Variants in HDAC4 observed in about 807,000 individuals in gnomAD.
The protein encoded by HDAC4 is histone deacetylase A.
Under a neutral mutation model 135.1 loss-of-function variants are expected in HDAC4, and 16 were observed. The observed-to-expected ratio is 0.12, with a 90% CI of 0.08 to 0.18. The LOEUF is 0.18. HDAC4 is among the 10% of genes least tolerant of loss of function. The pLI, the probability that HDAC4 is intolerant of heterozygous loss-of-function variation, is 1.00. For missense variants in HDAC4, 1,143 were observed against 1,511.8 expected (o/e 0.76, Z 4.05); for synonymous variants, 685 against 653.4 (o/e 1.05, Z -0.74).
In HDAC4 at chr2:239,156,826, G is replaced by C. The variant is rs2042453225; in HGVS notation, c.612-53C>G. 5.6e-6 allele frequency: 9 copies of C among 1,610,128 alleles called. No homozygotes were observed. In the East Asian group the frequency reaches 2.0e-4, roughly 36 times the overall value. On this transcript the variant is annotated intron_variant, in intron 6 of 26. Transcript: ENST00000543185. ...TAGTTTACCCAGCGCACTGCCCCAG[G>C]CATGCTGCAGCCGAGAAGCCACACA...
rs1303608285 is a variant in HDAC4 at position 239,134,255 on chromosome 2, G to A, written c.1284C>T (p.Pro428=). 6.8e-6 allele frequency: 11 copies of A among 1,611,158 alleles called. No individual in the cohort carries two copies. Among genetic ancestry groups the A allele is most frequent in the Non-Finnish European group, 2.5e-6 (3 of 1,179,898 alleles). The change falls in exon 11 of 27, where the codon CCC becomes CCT. Residue 428 remains proline, a synonymous_variant. Coordinates refer to ENST00000543185, the MANE Select transcript of HDAC4 (RefSeq NM_001378414.1). The stretch of plus-strand genomic sequence containing the variant: ...CCCATTTGTGCTCACCTGTGACGAG[G>A]GGTGCTTGTGCCGGCGGCTGCTCCA... ...VLLEQPPAQA[P]LVTDWYLSGL...
At chr2:239,183,423 C>T (rs904576867) in intron 4 of HDAC4, among the ~76,000 whole-genome samples, 105 of 152,356 alleles carry the variant, frequency 6.9e-4, no homozygotes, top group African/African-American at 2.4e-3. Context: ...GAGGAAAGGG[C>T]GGCAGAATGG....
intron 2 of HDAC4, among the ~76,000 whole-genome samples, chr2:239,317,787 T>C (rs955215828): frequency 2.4e-4 from 37 of 152,110 alleles, no homozygotes; most frequent in Admixed American, 2.4e-3. Flanking sequence ...CGACAGAGGG[T>C]CCTCAAGCAA....
chr2:239,089,878 G>A (rs2036338259), intron 18 of HDAC4, 131 bp downstream of exon 18: 2 of 730,278 alleles, frequency 2.7e-6, no homozygotes, highest in African/African-American at 1.7e-5. Context: ...CTGACAGAGT[G>A]GGGTCCACGC....
chr2:239,400,233 G>T lies in HDAC4; in HGVS notation c.-220+745C>A, dbSNP rs1696868232. The T allele has an allele frequency of 6.6e-6, 1 of 151,458 alleles. No homozygotes were observed. The highest frequency in any genetic ancestry group is 2.1e-4 in the South Asian group (1 of 4,830). 9.4% of individuals were successfully genotyped at this position (151,458 alleles called of 1,614,324 possible). On this transcript the variant is annotated intron_variant, in intron 1 of 26. Coordinates refer to ENST00000543185, the MANE Select transcript of HDAC4 (RefSeq NM_001378414.1). This position sits in a 1 kb window ranked among gnomAD's most constrained non-coding sequence, Gnocchi z 4.7. Reference sequence around the variant, plus strand: ...CGCGACCCCCCGGGCGCTCGCAGCGGCGACGACAAGCGCGGGGCCGCGGAC... The same window carrying T: ...CGCGACCCCCCGGGCGCTCGCAGCGTCGACGACAAGCGCGGGGCCGCGGAC...
chr2:239,324,346 C>T (rs1161641160), intron 2 of HDAC4, among the ~76,000 whole-genome samples: 1 of 152,216 alleles, frequency 6.6e-6, no homozygotes, highest in East Asian at 1.9e-4. Context: ...GTCCTCACCG[C>T]ACAGTATCCT....
intron 1 of HDAC4, among the ~76,000 whole-genome samples, chr2:239,372,070 G>T (rs1694663150): frequency 6.6e-6 from 1 of 152,178 alleles, no homozygotes; most frequent in Admixed American, 6.5e-5. Flanking sequence ...CAGACTGCTG[G>T]GGGTCTCTCC....
chr2:239,376,473 C>T (rs1695012745), intron 1 of HDAC4, among the ~76,000 whole-genome samples: 1 of 152,228 alleles, frequency 6.6e-6, no homozygotes, highest in South Asian at 2.1e-4. Flanking sequence ...TGATGGTGCC[C>T]CAGATGTCAC....
chr2:239,093,696 C>G (rs771282732), intron 17 of HDAC4, among the ~76,000 whole-genome samples: 1 of 152,232 alleles, frequency 6.6e-6, no homozygotes, highest in Non-Finnish European at 1.5e-5. Flanking sequence ...CAGCTCTCAT[C>G]TGCTGTGCCT....
chr2:239,288,433 C>G (rs983020205), intron 2 of HDAC4, among the ~76,000 whole-genome samples: 1 of 152,154 alleles, frequency 6.6e-6, no homozygotes, highest in African/African-American at 2.4e-5. Flanking sequence ...TTACTCAAAA[C>G]TGAACTGGAA....
intron 2 of HDAC4, among the ~76,000 whole-genome samples, chr2:239,242,250 G>A (rs2048228907): frequency 7.4e-6 from 1 of 134,714 alleles, no homozygotes; most frequent in South Asian, 2.8e-4. Flanking sequence ...GGGAGGGAGG[G>A]AGGGAGGGAA....
At position 239,303,608 on chromosome 2, in the gene HDAC4, T is replaced by A. The variant is rs1052579782; in HGVS notation, c.22+49070A>T. On this transcript the variant is annotated intron_variant, in intron 2 of 26. Transcript: ENST00000543185. The surrounding 1 kb of genome is among the most constrained non-coding windows in gnomAD (Gnocchi z 5.1). ...GTTTTCTTTCTTTCTTTTTTTTTTT[T>A]AATTCACAATTGAGGAAACCAACAG... Among the ~76,000 whole-genome samples, 4 of 152,016 alleles carry A rather than the reference T, an allele frequency of 2.6e-5. No individual in the cohort carries two copies. The highest frequency in any genetic ancestry group is 5.9e-5 in the Non-Finnish European group (4 of 67,968).
At chr2:239,109,170 C>T (rs1211089692) in intron 14 of HDAC4, among the ~76,000 whole-genome samples, 2 of 152,240 alleles carry the variant, frequency 1.3e-5, no homozygotes, top group East Asian at 1.9e-4. Flanking sequence ...CTGTGCTGCA[C>T]ACACCTGGTC....
At chr2:239,098,633 C>G (rs984457993) in intron 16 of HDAC4, among the ~76,000 whole-genome samples, 1 of 152,246 alleles carries the variant, frequency 6.6e-6, no homozygotes, top group African/African-American at 2.4e-5. Flanking sequence ...TGTGTGGCAT[C>G]TCACCACATC....
intron 3 of HDAC4, 32 bp from the exon 4 acceptor site, chr2:239,190,109 C>T: frequency 1.9e-6 from 3 of 1,586,644 alleles, no homozygotes; most frequent in East Asian, 2.3e-5. Flanking sequence ...GAGCCGGTCA[C>T]TGCCGCCCTT....
At chr2:239,099,255 C>T (rs1406708935) in intron 16 of HDAC4, among the ~76,000 whole-genome samples, 1 of 152,206 alleles carries the variant, frequency 6.6e-6, no homozygotes, top group Non-Finnish European at 1.5e-5. Context: ...GGACCAACAG[C>T]CGGTCCTTTG....
chr2:239,089,914 C>T lies in HDAC4; in HGVS notation c.2388+95G>A, dbSNP rs747746219. On this transcript the variant is annotated intron_variant, in intron 18 of 26. Transcript: ENST00000543185. ...CTCCCCATCACAGCCGCCTCCCAGC[C>T]TGATGAGAGGGAGACGGAGTGGGCG... is the stretch of plus-strand genomic sequence containing the variant. 2.4e-5 allele frequency: 22 copies of T among 912,914 alleles called. No individual in the cohort carries two copies. In the East Asian group the frequency reaches 5.3e-4, roughly 22 times the overall value. The allele number at this position is 912,914 out of a possible 1,614,324, so 56.6% of individuals were successfully genotyped here.
chr2:239,146,816 G>A lies in HDAC4; in HGVS notation c.734-2102C>T, dbSNP rs1174946832. On this transcript the variant is annotated intron_variant, in intron 7 of 26. Coordinates refer to ENST00000543185, the MANE Select transcript of HDAC4 (RefSeq NM_001378414.1). This position sits in a 1 kb window ranked among gnomAD's most constrained non-coding sequence, Gnocchi z 4.5. ...GCCCCCATCACAGCCCCACTGCCCT[G>A]TCTTCCTCACAGCAGCCTTCTCACC... 6.7e-6 allele frequency among the ~76,000 whole-genome samples: 1 copy of A among 149,958 alleles called. No individual in the cohort carries two copies. Among genetic ancestry groups the A allele is most frequent in the African/African-American group, 2.5e-5 (1 of 40,384 alleles).
At chr2:239,376,833 C>T (rs935779626) in intron 1 of HDAC4, among the ~76,000 whole-genome samples, 1 of 151,838 alleles carries the variant, frequency 6.6e-6, no homozygotes, top group Non-Finnish European at 1.5e-5. Context: ...ACCAGACTCC[C>T]TGAGTAAGCA....
Sources: gnomAD v4.1 joint callset for allele counts (sites outside exome capture counted in the v4.1 genomes callset) on GRCh38, gnomAD v4.1.1 for gene constraint, Gnocchi (gnomAD v3.1) non-coding constraint, MANE v1.5 for transcripts, NCBI Gene and HGNC (gene_info 2026-07-23, HGNC 2026-07-21) for gene names.